PGR: variants seen among roughly 807,000 people sequenced by gnomAD.
PGR encodes the protein nuclear receptor subfamily 3 group C member 3.
Under a neutral mutation model 76.1 loss-of-function variants are expected in PGR, and 25 were observed. That is an observed-to-expected ratio of 0.33 (90% confidence interval 0.24 to 0.46). The LOEUF is 0.46. Among genes scored for constraint, PGR ranks in the 20% least tolerant of loss-of-function variants. PGR has a pLI of 1.00. For synonymous variants in PGR, 579 were observed against 535.0 expected, an observed-to-expected ratio of 1.08 and a Z score of -1.14; for missense variants, 1,172 against 1,225.3, an observed-to-expected ratio of 0.96 and a Z score of 0.65.
At chr11:101,078,408 A>T (rs947534894) in intron 3 of PGR, among the ~76,000 whole-genome samples, 3 of 152,240 alleles carry the variant, frequency 2.0e-5, no homozygotes, top group Non-Finnish European at 4.4e-5. Context: ...TAATTACCTT[A>T]TACTAGTTTA....
intron 4 of PGR, among the ~76,000 whole-genome samples, chr11:101,052,269 C>CTGTGTGTGTG (rs55925008): frequency 2.8e-5 from 4 of 141,844 alleles, no homozygotes; most frequent in African/African-American, 8.1e-5. Flanking sequence ...GATTTAGAAT[C>CTGTGTGTGTG]TGTGTGTGTG....
intron 3 of PGR, among the ~76,000 whole-genome samples, chr11:101,083,217 C>A (rs893859055): frequency 1.3e-5 from 2 of 152,262 alleles, no homozygotes. Context: ...ATTGGGCCTG[C>A]GGGTATGAAG....
chr11:101,078,206 G>T (rs1861186771), intron 3 of PGR, among the ~76,000 whole-genome samples: 2 of 152,096 alleles, frequency 1.3e-5, no homozygotes, highest in South Asian at 4.1e-4. Context: ...GAGGTAGGGG[G>T]AGAAGGAGAG....
intron 3 of PGR, among the ~76,000 whole-genome samples, chr11:101,070,341 T>C (rs1485145653): frequency 2.0e-5 from 3 of 152,152 alleles, no homozygotes; most frequent in Admixed American, 2.0e-4. Context: ...GACCAGGAGA[T>C]TCCCTTGGGT....
intron 2 of PGR, among the ~76,000 whole-genome samples, chr11:101,123,732 T>TACAAA (rs1251284825): frequency 6.6e-6 from 1 of 152,198 alleles, no homozygotes; most frequent in African/African-American, 2.4e-5. Flanking sequence ...TTTCAACCCA[T>TACAAA]AACCACCTCG....
In PGR at chr11:101,127,965, G is replaced by A. The variant is rs1040714347; in HGVS notation, c.1106C>T (p.Pro369Leu). 1.2e-6 allele frequency: 2 copies of A among 1,612,094 alleles called. No homozygotes were observed. Among genetic ancestry groups the A allele is most frequent in the Non-Finnish European group, 1.7e-6 (2 of 1,179,834 alleles). Residue 369 changes from proline to leucine, a missense_variant, in exon 1 of 8, where the codon CCC becomes CTC. Around this residue, in one of 4 missense-constraint regions of PGR, gnomAD observed 893 missense variants for 785.9 expected, o/e 1.14. Coordinates refer to ENST00000325455, the MANE Select transcript of PGR (RefSeq NM_000926.4). ...PDCAYPPDAE[P>L]KDDAYPLYSD... ...ATAGAGAGGGTACGCGTCGTCCTTGGGCTCGGCGTCGGGCGGGTACGCGCA... is the reference window on the plus strand; with the variant it reads ...ATAGAGAGGGTACGCGTCGTCCTTGAGCTCGGCGTCGGGCGGGTACGCGCA...
At chr11:101,120,472 C>T (rs777315644) in intron 2 of PGR, among the ~76,000 whole-genome samples, 14 of 151,922 alleles carry the variant, frequency 9.2e-5, no homozygotes, top group Non-Finnish European at 1.5e-4. Flanking sequence ...AGGGTTTACT[C>T]AAGTAATAGT....
chr11:101,081,690 T>C (rs1861313033), intron 3 of PGR, among the ~76,000 whole-genome samples: 1 of 152,162 alleles, frequency 6.6e-6, no homozygotes, highest in Non-Finnish European at 1.5e-5. Flanking sequence ...TAAAATCTTT[T>C]CCAGGCAATC....
chr11:101,115,458 G>T (rs1490981955), intron 2 of PGR, among the ~76,000 whole-genome samples: 1 of 152,030 alleles, frequency 6.6e-6, no homozygotes, highest in Non-Finnish European at 1.5e-5. Context: ...ACCCAGCATG[G>T]TACTAAGAAT....
intron 3 of PGR, among the ~76,000 whole-genome samples, chr11:101,072,560 G>A (rs1297255330): frequency 1.3e-5 from 2 of 152,090 alleles, no homozygotes; most frequent in East Asian, 1.9e-4. Context: ...AAGACCCATT[G>A]GTGTGCTATA....
chr11:101,088,484 A>C (rs1351686102), intron 3 of PGR, among the ~76,000 whole-genome samples: 6 of 152,064 alleles, frequency 3.9e-5, no homozygotes, highest in Admixed American at 2.0e-4. Flanking sequence ...GGCGCCTGCC[A>C]CCATGCCTGG....
intron 4 of PGR, among the ~76,000 whole-genome samples, chr11:101,059,842 C>CAAAAAAAAA (rs781123527): frequency 1.5e-3 from 94 of 62,276 alleles, no homozygotes; most frequent in African/African-American, 2.2e-3. Context: ...GACCCTCTCT[C>CAAAAAAAAA]AAAAAAAAAA....
chr11:101,100,283 A>G (rs955034428), intron 2 of PGR, among the ~76,000 whole-genome samples: 17 of 152,000 alleles, frequency 1.1e-4, no homozygotes, highest in Non-Finnish European at 2.1e-4. Flanking sequence ...CATTTCCCCT[A>G]CTGGCACTCA....
chr11:101,068,049 A>G (rs1860785637), intron 3 of PGR, among the ~76,000 whole-genome samples: 1 of 152,178 alleles, frequency 6.6e-6, no homozygotes, highest in South Asian at 2.1e-4. Flanking sequence ...AAGTGTAGTG[A>G]TAATATTCAT....
At chr11:101,101,673 A>T (rs1444836542) in intron 2 of PGR, among the ~76,000 whole-genome samples, 1 of 152,224 alleles carries the variant, frequency 6.6e-6, no homozygotes, top group Non-Finnish European at 1.5e-5. Context: ...GATTGACTGT[A>T]GATCCAGATA....
intron 3 of PGR, among the ~76,000 whole-genome samples, chr11:101,071,028 G>A (rs990517320): frequency 6.6e-6 from 1 of 152,154 alleles, no homozygotes. Flanking sequence ...TCCTGACTGG[G>A]AGATACCTCC....
At chr11:101,048,900 A>G (rs956510160) in intron 6 of PGR, among the ~76,000 whole-genome samples, 5 of 152,016 alleles carry the variant, frequency 3.3e-5, no homozygotes, top group Non-Finnish European at 5.9e-5. Context: ...ACAAAAACAC[A>G]AGGTACAGTT....
chr11:101,087,832 C>T (rs924387662), intron 3 of PGR, among the ~76,000 whole-genome samples: 4 of 152,032 alleles, frequency 2.6e-5, no homozygotes, highest in Non-Finnish European at 5.9e-5. Context: ...ATTTAAAATG[C>T]TCCATATCAC....
At chr11:101,060,605 G>T (rs1044425805) in intron 4 of PGR, among the ~76,000 whole-genome samples, 19 of 152,116 alleles carry the variant, frequency 1.2e-4, no homozygotes, top group Admixed American at 1.2e-3. Context: ...AGGTCAAATA[G>T]TCACTCTAGC....
Sources: allele counts gnomAD v4.1 joint callset (sites outside exome capture counted in the v4.1 genomes callset), GRCh38; gene constraint gnomAD v4.1.1; regional missense constraint gnomAD v4.1.1; transcripts MANE v1.5; gene names NCBI Gene and HGNC (gene_info 2026-07-23, HGNC 2026-07-21).